PDE6D: variants seen among roughly 807,000 people sequenced by gnomAD.
PDE6D encodes the protein phosphodiesterase 6D.
Under a neutral mutation model 21.9 loss-of-function variants are expected in PDE6D, and 10 were observed. That is an observed-to-expected ratio of 0.46 (90% confidence interval 0.28 to 0.78). The LOEUF is 0.78. PDE6D is among the 30% of genes least tolerant of loss of function. The pLI is 0.12. For synonymous variants in PDE6D, 59 were observed against 63.5 expected, an observed-to-expected ratio of 0.93 and a Z score of 0.34; for missense variants, 139 against 184.8, an observed-to-expected ratio of 0.75 and a Z score of 1.44.
At chr2:231,774,088 T>G (rs2049035243) in intron 1 of PDE6D, among the ~76,000 whole-genome samples, 1 of 151,956 alleles carries the variant, frequency 6.6e-6, no homozygotes, top group African/African-American at 2.4e-5. Context: ...TGCACACCAC[T>G]ACGCCTGACT....
intron 1 of PDE6D, among the ~76,000 whole-genome samples, chr2:231,740,937 G>C (rs2048743659): frequency 6.6e-6 from 1 of 151,320 alleles, no homozygotes; most frequent in African/African-American, 2.4e-5. Flanking sequence ...TCGGGAGTTC[G>C]AGACCAGCCT....
At chr2:231,745,680 A>C (rs1452307268) in intron 1 of PDE6D, among the ~76,000 whole-genome samples, 1 of 152,248 alleles carries the variant, frequency 6.6e-6, no homozygotes, top group African/African-American at 2.4e-5. Flanking sequence ...AACAAAACCA[A>C]TAGTTTGCAA....
intron 1 of PDE6D, among the ~76,000 whole-genome samples, chr2:231,754,852 C>T (rs1162217431): frequency 6.6e-6 from 1 of 152,178 alleles, no homozygotes; most frequent in Non-Finnish European, 1.5e-5. Context: ...TCTTCTTGCT[C>T]TGCTATCACC....
chr2:231,743,871 A>G (rs1448989278), intron 1 of PDE6D, among the ~76,000 whole-genome samples: 1 of 152,182 alleles, frequency 6.6e-6, no homozygotes, highest in Non-Finnish European at 1.5e-5. Context: ...AACAGATACT[A>G]CTGCTCTATC....
intron 4 of PDE6D, among the ~76,000 whole-genome samples, chr2:231,734,418 C>T (rs1038907317): frequency 6.7e-6 from 1 of 148,330 alleles, no homozygotes; most frequent in Non-Finnish European, 1.5e-5. Context: ...AATCACGCCT[C>T]GTGAAGAAGA....
rs184829269 is a variant in PDE6D at position 231,768,429 on chromosome 2, C to T, written c.50+12636G>A. 5.8e-4 allele frequency among the ~76,000 whole-genome samples: 89 copies of T among 152,140 alleles called. No homozygotes were observed. In the Middle Eastern group the frequency reaches 0.024, roughly 41 times the overall value. On this transcript the variant is annotated intron_variant, in intron 1 of 4. Transcript: ENST00000287600. ...TTGTTGAGATGGAGTCTCCCTCTGT[C>T]GTACATGCTGGAGTGCGGTGGCGTG... is the stretch of plus-strand genomic sequence containing the variant.
chr2:231,741,884 A>G (rs535567228), intron 1 of PDE6D, among the ~76,000 whole-genome samples: 3 of 152,312 alleles, frequency 2.0e-5, no homozygotes, highest in Admixed American at 1.3e-4. Flanking sequence ...AAGAGTATGT[A>G]TATCTGGATA....
chr2:231,736,345 G>T (rs1009092432), intron 4 of PDE6D, among the ~76,000 whole-genome samples: 2 of 151,576 alleles, frequency 1.3e-5, no homozygotes, highest in Admixed American at 6.6e-5. Context: ...ATAGAGTCTT[G>T]GTCTGCTACC....
chr2:231,762,251 T>C (rs899603849), intron 1 of PDE6D, among the ~76,000 whole-genome samples: 1 of 151,976 alleles, frequency 6.6e-6, no homozygotes, highest in Non-Finnish European at 1.5e-5. Context: ...GCTATGTGTG[T>C]GGCTATTAAA....
rs542322953 is a variant in PDE6D at position 231,732,628 on chromosome 2, G to A, written c.*324C>T. 1 of 198,122 alleles carries A rather than the reference G, an allele frequency of 5.0e-6. No homozygotes were observed. Among genetic ancestry groups the A allele is most frequent in the Admixed American group, 5.9e-5 (1 of 17,076 alleles). 12.3% of individuals were successfully genotyped at this position (198,122 alleles called of 1,614,324 possible). A position where few individuals can be genotyped will look rare whatever the true frequency, so the allele number is the denominator to read the frequency against. ...TGTGTAGCCTGTAGGGCCCAAGGAG[G>A]AGACAAGGAGGGTGACAGGTACAGT... On this transcript the variant is annotated 3_prime_UTR_variant, in exon 5 of 5. Coordinates refer to ENST00000287600, the MANE Select transcript of PDE6D (RefSeq NM_002601.4).
intron 1 of PDE6D, 69 bp downstream of exon 1, chr2:231,780,996 C>A: frequency 7.2e-7 from 1 of 1,393,084 alleles, no homozygotes; most frequent in Non-Finnish European, 1.0e-6. Flanking sequence ...CCCCCGCCCC[C>A]GGCCAGTCTC....
intron 1 of PDE6D, among the ~76,000 whole-genome samples, chr2:231,780,507 G>A (rs985090325): frequency 2.0e-5 from 3 of 152,186 alleles, no homozygotes; most frequent in African/African-American, 7.2e-5. Context: ...AAGTTTGGAA[G>A]AGAAGTTGTG....
At chr2:231,766,442 A>T (rs895789522) in intron 1 of PDE6D, among the ~76,000 whole-genome samples, 1 of 152,154 alleles carries the variant, frequency 6.6e-6, no homozygotes, top group Non-Finnish European at 1.5e-5. Flanking sequence ...GACATATCCA[A>T]AGAGATTCTT....
intron 1 of PDE6D, among the ~76,000 whole-genome samples, chr2:231,768,395 T>C (rs2048989234): frequency 6.6e-6 from 1 of 151,980 alleles, no homozygotes; most frequent in Non-Finnish European, 1.5e-5. Context: ...AATCCTTTTG[T>C]TGTTGTTGTT....
At chr2:231,733,276 A>T (rs1158757466) in intron 4 of PDE6D, among the ~76,000 whole-genome samples, 3 of 151,938 alleles carry the variant, frequency 2.0e-5, no homozygotes, top group Non-Finnish European at 4.4e-5. Context: ...GCATGTCTCC[A>T]CTCCTTGGTA....
intron 1 of PDE6D, among the ~76,000 whole-genome samples, chr2:231,760,745 T>G (rs1273278443): frequency 6.6e-6 from 1 of 152,202 alleles, no homozygotes; most frequent in African/African-American, 2.4e-5. Flanking sequence ...GATCAGATTA[T>G]GCTGCTAGTG....
intron 1 of PDE6D, among the ~76,000 whole-genome samples, chr2:231,766,937 G>A (rs1189452529): frequency 6.7e-6 from 1 of 149,928 alleles, no homozygotes; most frequent in African/African-American, 2.5e-5. Flanking sequence ...GAGGTTGCAG[G>A]GAGCTGAGAT....
intron 1 of PDE6D, among the ~76,000 whole-genome samples, chr2:231,767,839 C>CT (rs59912776): frequency 0.014 from 1,996 of 137,862 alleles, 28 homozygotes; most frequent in Non-Finnish European, 0.02. Context: ...TTTAACTATT[C>CT]TTTTTTTTTT....
At chr2:231,733,085 C>T in intron 4 of PDE6D, 52 bp from the exon 5 acceptor site, 2 of 1,223,392 alleles carry the variant, frequency 1.6e-6, no homozygotes, top group Non-Finnish European at 2.4e-6. Context: ...ATGTTAGGCA[C>T]AAGATTTCAT....
Sources: gnomAD v4.1 joint callset for allele counts (sites outside exome capture counted in the v4.1 genomes callset) on GRCh38, gnomAD v4.1.1 for gene constraint, MANE v1.5 for transcripts, NCBI Gene and HGNC (gene_info 2026-07-23, HGNC 2026-07-21) for gene names.